RAB38: variants seen among roughly 807,000 people sequenced by gnomAD.
RAB38 encodes the protein ras-related protein Rab-38.
A neutral mutation model predicts 18.4 loss-of-function variants in RAB38; 15 were observed. The ratio of observed to expected loss-of-function variants is 0.82; its 90% CI spans 0.55 to 1.26. RAB38 has a LOEUF of 1.26. Among genes scored for constraint, RAB38 ranks in the 50% most tolerant of loss-of-function variants. RAB38 has a pLI of 0.00. For missense variants in RAB38, 294 were observed against 267.4 expected, an observed-to-expected ratio of 1.10 and a Z score of -0.69; for synonymous variants, 101 against 104.4, an observed-to-expected ratio of 0.97 and a Z score of 0.20.
At chr11:88,123,911 G>A (rs1942659465) in intron 2 of RAB38, among the ~76,000 whole-genome samples, 1 of 152,092 alleles carries the variant, frequency 6.6e-6, no homozygotes, top group Admixed American at 6.5e-5. Context: ...CCCACTTCTA[G>A]CTTAACAAAT....
chr11:88,036,598 G>A, the RAB38 span, among the ~76,000 whole-genome samples: 1 of 151,958 alleles, frequency 6.6e-6, no homozygotes, highest in Non-Finnish European at 1.5e-5. Flanking sequence ...ATTTTATTGA[G>A]TGTACCTTCA....
chr11:88,160,067 A>G (rs1049856184), intron 1 of RAB38, among the ~76,000 whole-genome samples: 3 of 151,984 alleles, frequency 2.0e-5, no homozygotes, highest in Admixed American at 6.6e-5. Context: ...GAAAATATTC[A>G]CCAAATACAC....
At chr11:87,835,569 ATTAAG>A in the RAB38 span, among the ~76,000 whole-genome samples, 568 of 152,294 alleles carry the variant, frequency 3.7e-3, no homozygotes, top group Non-Finnish European at 7.0e-3. Flanking sequence ...TAAAGAAGTA[ATTAAG>A]TTAAAGTTGT....
chr11:88,066,685 A>C, the RAB38 span, among the ~76,000 whole-genome samples: 4 of 152,304 alleles, frequency 2.6e-5, no homozygotes, highest in Admixed American at 6.5e-5. Context: ...TGAATATATC[A>C]TCTGAACATT....
chr11:87,977,453 CATAAT>C, the RAB38 span, among the ~76,000 whole-genome samples: 2 of 85,606 alleles, frequency 2.3e-5, no homozygotes, highest in Non-Finnish European at 4.4e-5. Flanking sequence ...AATTATATTA[CATAAT>C]ATAATTATAT....
chr11:87,842,663 C>T, the RAB38 span, among the ~76,000 whole-genome samples: 1 of 152,220 alleles, frequency 6.6e-6, no homozygotes, highest in South Asian at 2.1e-4. Flanking sequence ...TTATTTTCTA[C>T]TTGATGTTTG....
chr11:88,153,622 A>C (rs1943089837), intron 1 of RAB38, among the ~76,000 whole-genome samples: 1 of 152,220 alleles, frequency 6.6e-6, no homozygotes, highest in South Asian at 2.1e-4. Context: ...AAATGTAAGC[A>C]CAAGTCTTCA....
At chr11:88,006,325 A>T in the RAB38 span, among the ~76,000 whole-genome samples, 2 of 151,722 alleles carry the variant, frequency 1.3e-5, no homozygotes, top group East Asian at 3.9e-4. Flanking sequence ...GCTGATGGTG[A>T]AAATGTAAAT....
chr11:88,048,428 T>G, the RAB38 span, among the ~76,000 whole-genome samples: 1 of 152,030 alleles, frequency 6.6e-6, no homozygotes, highest in Non-Finnish European at 1.5e-5. Flanking sequence ...TCCTCAATCT[T>G]CAGGAAAGGC....
the RAB38 span, among the ~76,000 whole-genome samples, chr11:87,868,151 A>C: frequency 6.6e-6 from 1 of 151,656 alleles, no homozygotes; most frequent in Admixed American, 6.6e-5. Context: ...GTTGAAGCCT[A>C]ATGGGAGGTG....
chr11:88,098,868 T>G, the RAB38 span: 1 of 151,974 alleles, frequency 6.6e-6, no homozygotes, highest in African/African-American at 2.4e-5. Context: ...AAACCCTACA[T>G]TGTTTAAAAA....
At chr11:88,121,624 A>G (rs545876565) in intron 2 of RAB38, among the ~76,000 whole-genome samples, 4 of 151,882 alleles carry the variant, frequency 2.6e-5, no homozygotes, top group Admixed American at 2.6e-4. Flanking sequence ...GTGCAGTGGC[A>G]CAATCTTGGC....
chr11:88,046,944 G>T, the RAB38 span, among the ~76,000 whole-genome samples: 1 of 151,966 alleles, frequency 6.6e-6, no homozygotes, highest in Non-Finnish European at 1.5e-5. Flanking sequence ...GGCTGTGCAG[G>T]CAGAATTCTT....
chr11:88,114,258 C>T, intron 2 of RAB38, 118 bp from the exon 3 acceptor site: 1 of 1,049,276 alleles, frequency 9.5e-7, no homozygotes, highest in East Asian at 2.5e-5. Context: ...CATATGCATC[C>T]CCCTCCTGTT....
the RAB38 span, among the ~76,000 whole-genome samples, chr11:87,845,735 A>G: frequency 6.6e-6 from 1 of 152,130 alleles, no homozygotes; most frequent in Admixed American, 6.6e-5. Context: ...CAGCAACACT[A>G]GACACAGACA....
the RAB38 span, among the ~76,000 whole-genome samples, chr11:87,840,230 G>C: frequency 3.9e-5 from 6 of 152,188 alleles, no homozygotes; most frequent in Non-Finnish European, 8.8e-5. Context: ...GTCACTGCCA[G>C]ATGGCTTACT....
At chr11:88,042,323 C>A in the RAB38 span, among the ~76,000 whole-genome samples, 4 of 152,184 alleles carry the variant, frequency 2.6e-5, no homozygotes, top group Non-Finnish European at 2.9e-5. Flanking sequence ...TTCTCCATCA[C>A]CTCCCAGTGC....
the RAB38 span, among the ~76,000 whole-genome samples, chr11:87,844,011 A>G: frequency 6.6e-6 from 1 of 152,160 alleles, no homozygotes; most frequent in Non-Finnish European, 1.5e-5. Context: ...CTCATCTCTT[A>G]GTTTTAATCT....
the RAB38 span, among the ~76,000 whole-genome samples, chr11:87,842,379 C>T: frequency 1.3e-5 from 2 of 152,070 alleles, no homozygotes; most frequent in Admixed American, 6.5e-5. Flanking sequence ...TTTCAGGAGA[C>T]AAGTTGAAAT....
Sources: gnomAD v4.1 joint callset for allele counts (sites outside exome capture counted in the v4.1 genomes callset) on GRCh38, gnomAD v4.1.1 for gene constraint, MANE v1.5 for transcripts, NCBI Gene and HGNC (gene_info 2026-07-23, HGNC 2026-07-21) for gene names.